Variants in GMCL1 observed in about 807,000 individuals in gnomAD.
GMCL1 encodes germ cell-less protein-like 1.
A neutral mutation model predicts 75.5 loss-of-function variants in GMCL1; 54 were observed. The observed-to-expected ratio is 0.71, with a 90% CI of 0.57 to 0.90. GMCL1 has a LOEUF of 0.90. Ranked by LOEUF, GMCL1 falls within the 40% of genes least tolerant of loss-of-function variation. GMCL1 has a pLI of 0.00. For missense variants in GMCL1, 537 were observed against 622.7 expected, an observed-to-expected ratio of 0.86 and a Z score of 1.47; for synonymous variants, 210 against 209.6, an observed-to-expected ratio of 1.00 and a Z score of -0.02.
At chr2:69,870,910 C>G (rs1349203557) in intron 12 of GMCL1, among the ~76,000 whole-genome samples, 2 of 152,170 alleles carry the variant, frequency 1.3e-5, no homozygotes, top group Admixed American at 1.3e-4. Flanking sequence ...ATTTAGAACC[C>G]TTGTGTACTG....
rs537306474 is a variant in GMCL1, at chr2:69,871,300, G to A, written c.1365-445G>A. ...AAATATTGTAAGATTCCACTCATAC[G>A]AAGTACCTAGAGTAGACAAATTCAT... On this transcript the variant is annotated intron_variant, in intron 12 of 13. Transcript: ENST00000282570. Among the ~76,000 whole-genome samples, 9 of 152,250 alleles carry A rather than the reference G, an allele frequency of 5.9e-5. 1 individual carries two copies. In the South Asian group the frequency reaches 1.7e-3, roughly 28 times the overall value.
intron 1 of GMCL1, among the ~76,000 whole-genome samples, chr2:69,833,018 T>C (rs1379166224): frequency 6.6e-6 from 1 of 152,162 alleles, no homozygotes; most frequent in Non-Finnish European, 1.5e-5. Flanking sequence ...GAGGTGTGGC[T>C]GTAGCCCACT....
chr2:69,865,931 A>G (rs1256261314), intron 11 of GMCL1, among the ~76,000 whole-genome samples: 1 of 152,034 alleles, frequency 6.6e-6, no homozygotes, highest in Non-Finnish European at 1.5e-5. Flanking sequence ...CACCATGCCC[A>G]GCCTTCTATT....
chr2:69,829,663 T>G lies in GMCL1; in HGVS notation c.-230T>G. The G allele has an allele frequency of 1.9e-6, 1 of 513,440 alleles. No individual in the cohort carries two copies. The highest frequency in any genetic ancestry group is 3.4e-6 in the Non-Finnish European group (1 of 295,556). The allele number at this position is 513,440 out of a possible 1,614,324, so 31.8% of individuals were successfully genotyped here. A position where few individuals can be genotyped will look rare whatever the true frequency, so the allele number is the denominator to read the frequency against. On this transcript the variant is annotated 5_prime_UTR_variant, in exon 1 of 14. Coordinates refer to ENST00000282570, the MANE Select transcript of GMCL1 (RefSeq NM_178439.5). ...ACGCATGCGCCCTCCGTCCCGCGCTTTGTTGCGAAAGCGAGGGGGCGAGGT... is the reference window on the plus strand; with the variant it reads ...ACGCATGCGCCCTCCGTCCCGCGCTGTGTTGCGAAAGCGAGGGGGCGAGGT...
At chr2:69,875,993 A>G (rs1676120040) in intron 13 of GMCL1, among the ~76,000 whole-genome samples, 4 of 152,166 alleles carry the variant, frequency 2.6e-5, no homozygotes. Flanking sequence ...CCCAGCCAGT[A>G]TTTTACATTT....
At chr2:69,841,797 G>A (rs1027271327) in intron 4 of GMCL1, among the ~76,000 whole-genome samples, 15 of 152,292 alleles carry the variant, frequency 9.8e-5, no homozygotes, top group African/African-American at 3.6e-4. Context: ...TGTTTGTATT[G>A]CAAAGTAAGA....
intron 8 of GMCL1, among the ~76,000 whole-genome samples, chr2:69,853,049 A>C (rs1489798554): frequency 6.6e-6 from 1 of 152,212 alleles, no homozygotes; most frequent in Non-Finnish European, 1.5e-5. Context: ...ATAAATTCTT[A>C]CAGAAGTAAA....
intron 8 of GMCL1, among the ~76,000 whole-genome samples, chr2:69,851,592 G>A (rs11887526): frequency 0.18 from 27,021 of 151,704 alleles, 2,655 homozygotes; most frequent in East Asian, 0.37. Flanking sequence ...CCTGGGCAAC[G>A]AGCAAAACTC....
intron 13 of GMCL1, among the ~76,000 whole-genome samples, chr2:69,877,738 C>A (rs1396454255): frequency 6.9e-6 from 1 of 145,020 alleles, no homozygotes; most frequent in Admixed American, 7.6e-5. Context: ...GTGTGTGAGA[C>A]ATTTGTACTC....
intron 13 of GMCL1, among the ~76,000 whole-genome samples, chr2:69,873,209 A>G (rs1050052391): frequency 6.6e-5 from 10 of 152,208 alleles, no homozygotes; most frequent in Non-Finnish European, 8.8e-5. Flanking sequence ...ATGGTGAGTA[A>G]GATTTCCGGA....
chr2:69,866,122 G>A (rs954016563), intron 11 of GMCL1, among the ~76,000 whole-genome samples: 3 of 152,044 alleles, frequency 2.0e-5, no homozygotes, highest in African/African-American at 7.2e-5. Flanking sequence ...AGTGGTGTAT[G>A]CCTGTAGTCC....
At chr2:69,842,637 G>A (rs1041691376) in intron 4 of GMCL1, 1 of 152,048 alleles carries the variant, frequency 6.6e-6, no homozygotes, top group African/African-American at 2.4e-5. Flanking sequence ...AACATTTTAG[G>A]TTAAAACTTT....
chr2:69,869,996 C>T (rs1347935202), intron 12 of GMCL1, 132 bp downstream of exon 12: 10 of 799,354 alleles, frequency 1.3e-5, no homozygotes, highest in Middle Eastern at 5.6e-4. Flanking sequence ...TAGGAAATGA[C>T]GAGGCTCCAT....
At chr2:69,839,212 A>G (rs969112637) in intron 2 of GMCL1, among the ~76,000 whole-genome samples, 22 of 152,372 alleles carry the variant, frequency 1.4e-4, no homozygotes, top group African/African-American at 3.8e-4. Context: ...AGATAGTAAT[A>G]TAAGAATTTT....
chr2:69,847,486 A>G, intron 6 of GMCL1, 57 bp from the exon 7 acceptor site: 2 of 1,031,362 alleles, frequency 1.9e-6, no homozygotes, highest in Non-Finnish European at 3.0e-6. Flanking sequence ...TATTTCTACC[A>G]GGATCCTTTA....
chr2:69,843,106 C>T (rs1402141966), intron 4 of GMCL1, 43 bp from the exon 5 acceptor site: 2 of 979,258 alleles, frequency 2.0e-6, no homozygotes, highest in Non-Finnish European at 3.1e-6. Flanking sequence ...GCTAATTTTT[C>T]CCACGTGAAA....
rs1233010577 is a variant in GMCL1 at position 69,879,750 on chromosome 2, A to T, written c.*746A>T. ...GGGAAAAATCAGTTTGATTCCAAGG[A>T]TATTTCTTGCCTTACATGGTCTTTT... On this transcript the variant is annotated 3_prime_UTR_variant, in exon 14 of 14. Transcript: ENST00000282570. 6.6e-6 allele frequency: 1 copy of T among 152,138 alleles called. No individual in the cohort carries two copies. Among genetic ancestry groups the T allele is most frequent in the Non-Finnish European group, 1.5e-5 (1 of 68,016 alleles). The allele number at this position is 152,138 out of a possible 1,614,324, so 9.4% of individuals were successfully genotyped here.
rs757085207 is a variant in GMCL1, at chr2:69,844,178, A to C, written c.740A>C (p.Glu247Ala). 1 of 1,567,988 alleles carries C rather than the reference A, an allele frequency of 6.4e-7. No individual in the cohort carries two copies. Among genetic ancestry groups the C allele is most frequent in the Non-Finnish European group, 8.7e-7 (1 of 1,155,054 alleles). ...AATTTGATGACTCACCAGAATGTTG[A>C]ACTTTTTAAAGAACTCAGGTATTTG... ...LNNLMTHQNV[E>A]LFKELSINVM... Residue 247 changes from glutamate to alanine, a missense_variant, in exon 6 of 14, where the codon GAA (glutamate) becomes GCA (alanine). Physicochemically the swap from Glu to Ala is moderately radical, Grantham distance 107. This residue lies in a region of GMCL1 where 345 missense variants were observed against 410.5 expected (regional missense o/e 0.84). Transcript: ENST00000282570.
chr2:69,854,667 T>C (rs1375155794), intron 8 of GMCL1, among the ~76,000 whole-genome samples, 156 bp from the exon 9 acceptor site: 1 of 152,244 alleles, frequency 6.6e-6, no homozygotes, highest in African/African-American at 2.4e-5. Flanking sequence ...TATGTTCTTA[T>C]CTGTAAACCT....
Sources: allele counts gnomAD v4.1 joint callset (sites outside exome capture counted in the v4.1 genomes callset), GRCh38; gene constraint gnomAD v4.1.1; regional missense constraint gnomAD v4.1.1; transcripts MANE v1.5; gene names NCBI Gene and HGNC (gene_info 2026-07-23, HGNC 2026-07-21).